The following CDH13 variants were observed in gnomAD, a reference collection of about 807,000 sequenced individuals.
CDH13 encodes cadherin 13.
A neutral mutation model predicts 63.8 loss-of-function variants in CDH13; 24 were observed. The observed-to-expected ratio is 0.38, with a 90% CI of 0.27 to 0.53. CDH13 has a LOEUF of 0.53. Among genes scored for constraint, CDH13 ranks in the 20% least tolerant of loss-of-function variants. The pLI is 0.85. For synonymous variants in CDH13, 503 were observed against 355.3 expected, an observed-to-expected ratio of 1.42 and a Z score of -4.67; for missense variants, 1,049 against 903.1, an observed-to-expected ratio of 1.16 and a Z score of -2.07.
chr16:82,685,232 T>G (rs1185126962), intron 1 of CDH13, among the ~76,000 whole-genome samples: 1 of 152,208 alleles, frequency 6.6e-6, no homozygotes, highest in Non-Finnish European at 1.5e-5. Context: ...ATTTCACAGT[T>G]CTGGAGGCTG....
intron 2 of CDH13, among the ~76,000 whole-genome samples, chr16:82,861,486 T>G (rs2151171930): frequency 6.6e-6 from 1 of 152,350 alleles, no homozygotes; most frequent in East Asian, 1.9e-4. Context: ...TGTTCAGCTT[T>G]TAGCAGGTTA....
chr16:83,105,232 C>T (rs934039172), intron 3 of CDH13, among the ~76,000 whole-genome samples: 1 of 152,182 alleles, frequency 6.6e-6, no homozygotes, highest in Non-Finnish European at 1.5e-5. Context: ...ACCTGAGGAG[C>T]TGAGTTTTCC....
intron 5 of CDH13, among the ~76,000 whole-genome samples, chr16:83,230,658 G>T (rs1006004142): frequency 6.6e-6 from 1 of 152,142 alleles, no homozygotes; most frequent in Non-Finnish European, 1.5e-5. Context: ...GTGGTGGCAA[G>T]CGCCTGTAGT....
intron 1 of CDH13, among the ~76,000 whole-genome samples, chr16:82,684,501 C>T (rs560382190): frequency 3.9e-5 from 6 of 152,136 alleles, no homozygotes; most frequent in East Asian, 3.9e-4. Context: ...GCCATGTGCA[C>T]GGGTAGAGAA....
chr16:82,852,266 T>G (rs958141195), intron 1 of CDH13, among the ~76,000 whole-genome samples: 2 of 152,214 alleles, frequency 1.3e-5, no homozygotes, highest in African/African-American at 4.8e-5. Flanking sequence ...CTGCCCTTGT[T>G]CCATGGATGT....
At chr16:83,128,476 C>T (rs1232967173) in intron 4 of CDH13, among the ~76,000 whole-genome samples, 1 of 152,016 alleles carries the variant, frequency 6.6e-6, no homozygotes, top group African/African-American at 2.4e-5. Context: ...GCACTTTCTC[C>T]TCCTGTCCAC....
chr16:83,254,043 C>T (rs114273043), intron 5 of CDH13, among the ~76,000 whole-genome samples: 1 of 152,132 alleles, frequency 6.6e-6, no homozygotes, highest in African/African-American at 2.4e-5. Flanking sequence ...GGCTGGTGTT[C>T]CTGAGAGAAG....
intron 7 of CDH13, among the ~76,000 whole-genome samples, chr16:83,567,344 A>G (rs1320926698): frequency 6.6e-6 from 1 of 152,196 alleles, no homozygotes; most frequent in African/African-American, 2.4e-5. Context: ...CACAGACTAG[A>G]GATAAATCAG....
chr16:82,656,660 A>T (rs1036771290), intron 1 of CDH13, among the ~76,000 whole-genome samples: 29 of 152,178 alleles, frequency 1.9e-4, no homozygotes, highest in Non-Finnish European at 1.9e-4. Context: ...ACAAATGTGT[A>T]AATTCATGTA....
At chr16:82,788,371 T>C (rs912477241) in intron 1 of CDH13, among the ~76,000 whole-genome samples, 1 of 152,196 alleles carries the variant, frequency 6.6e-6, no homozygotes, top group African/African-American at 2.4e-5. Context: ...CCAAGAGCCA[T>C]GCAGGCCTCC....
At position 83,110,591 on chromosome 16, in the gene CDH13, C is replaced by A. The variant is rs570957830; in HGVS notation, c.367-14794C>A. Among the ~76,000 whole-genome samples the A allele has an allele frequency of 2.3e-4, 35 of 152,274 alleles. No homozygotes were observed. In the South Asian group the frequency reaches 4.2e-3, roughly 18 times the overall value. The stretch of plus-strand genomic sequence containing the variant: ...TCATGCTGCTACATACTTGTACATA[C>A]TTACTGTCTATACATTACTCACTCA... On this transcript the variant is annotated intron_variant, in intron 3 of 13. Transcript: ENST00000567109.
At chr16:83,229,935 A>G (rs980018750) in intron 5 of CDH13, among the ~76,000 whole-genome samples, 1 of 152,296 alleles carries the variant, frequency 6.6e-6, no homozygotes, top group Non-Finnish European at 1.5e-5. Flanking sequence ...ATGGCTTAGC[A>G]TGTAAAACAT....
intron 2 of CDH13, among the ~76,000 whole-genome samples, chr16:83,010,332 C>A (rs964494965): frequency 2.0e-5 from 3 of 151,928 alleles, no homozygotes; most frequent in Non-Finnish European, 2.9e-5. Context: ...TTTCAATGAT[C>A]AGTTAATACC....
intron 6 of CDH13, among the ~76,000 whole-genome samples, chr16:83,444,337 C>T (rs1210665506): frequency 1.3e-5 from 2 of 152,184 alleles, no homozygotes; most frequent in Non-Finnish European, 2.9e-5. Flanking sequence ...ATTTAATCTT[C>T]AGCACCATCA....
intron 7 of CDH13, among the ~76,000 whole-genome samples, chr16:83,490,636 G>A (rs1041236244): frequency 9.2e-5 from 14 of 152,272 alleles, no homozygotes; most frequent in African/African-American, 3.4e-4. Flanking sequence ...ATGATGTTTG[G>A]CTTGCCCATG....
chr16:83,172,719 C>A (rs2037973467), intron 4 of CDH13, among the ~76,000 whole-genome samples: 1 of 151,978 alleles, frequency 6.6e-6, no homozygotes, highest in South Asian at 2.1e-4. Context: ...GCTTAAGCCA[C>A]CCAATCTACA....
intron 6 of CDH13, among the ~76,000 whole-genome samples, chr16:83,415,327 GC>G (rs2092184334): frequency 6.6e-6 from 1 of 152,074 alleles, no homozygotes; most frequent in Non-Finnish European, 1.5e-5. Context: ...CAGATGTTTG[GC>G]CCACCAAACA....
intron 1 of CDH13, among the ~76,000 whole-genome samples, chr16:82,738,607 TA>T (rs1421664377): frequency 1.4e-4 from 21 of 152,222 alleles, no homozygotes; most frequent in African/African-American, 4.3e-4. Context: ...TAAACAGCAC[TA>T]CCTACTAAAA....
intron 1 of CDH13, among the ~76,000 whole-genome samples, chr16:82,656,084 C>T (rs1356266290): frequency 6.6e-6 from 1 of 152,138 alleles, no homozygotes; most frequent in African/African-American, 2.4e-5. Flanking sequence ...TTTGGAAGTA[C>T]AGAGAAAGAG....
Sources: gnomAD v4.1 joint callset for allele counts (sites outside exome capture counted in the v4.1 genomes callset) on GRCh38, gnomAD v4.1.1 for gene constraint, MANE v1.5 for transcripts, NCBI Gene and HGNC (gene_info 2026-07-23, HGNC 2026-07-21) for gene names.